Variants in GBF1 observed in about 807,000 individuals in gnomAD.
GBF1 encodes the protein golgi brefeldin A resistant guanine nucleotide exchange factor 1.
A neutral mutation model predicts 210.5 loss-of-function variants in GBF1; 114 were observed. That is an observed-to-expected ratio of 0.54 (90% CI 0.47 to 0.63). The LOEUF is 0.63. GBF1 is among the 30% of genes least tolerant of loss of function. GBF1 has a pLI of 0.00. For missense variants in GBF1, 1,851 were observed against 2,357.7 expected, an observed-to-expected ratio of 0.79 and a Z score of 4.45; for synonymous variants, 850 against 889.2, an observed-to-expected ratio of 0.96 and a Z score of 0.78.
intron 3 of GBF1, among the ~76,000 whole-genome samples, chr10:102,341,660 C>G (rs2058189874): frequency 6.6e-6 from 1 of 152,294 alleles, no homozygotes; most frequent in South Asian, 2.1e-4. Flanking sequence ...TTTCAGTCAT[C>G]ATGTTGAATG....
intron 3 of GBF1, among the ~76,000 whole-genome samples, chr10:102,293,925 CCA>C (rs1488706258): frequency 1.3e-4 from 19 of 151,078 alleles, no homozygotes; most frequent in Non-Finnish European, 2.5e-4. Flanking sequence ...CTACAGGCAC[CCA>C]CCACCACGCC....
chr10:102,342,389 GCACACACACACACACACACTCA>G (rs1486279315), intron 3 of GBF1, among the ~76,000 whole-genome samples: 1 of 144,010 alleles, frequency 6.9e-6, no homozygotes, highest in Non-Finnish European at 1.5e-5. Flanking sequence ...TCACACACAC[GCACACACACACACACACACTCA>G]CACACAGACA....
intron 3 of GBF1, among the ~76,000 whole-genome samples, chr10:102,337,305 G>A (rs1313252019): frequency 6.7e-6 from 1 of 148,276 alleles, no homozygotes; most frequent in African/African-American, 2.5e-5. Flanking sequence ...GCGTGGGGGA[G>A]CTTGCAGTGA....
chr10:102,287,733 C>G (rs1268047662), intron 3 of GBF1, among the ~76,000 whole-genome samples: 3 of 152,148 alleles, frequency 2.0e-5, no homozygotes, highest in Non-Finnish European at 4.4e-5. Flanking sequence ...TGAGAGAGAG[C>G]AGAAGCCACA....
rs904944901 is a variant in GBF1, at chr10:102,302,136, G to A, written c.164-41915G>A. On this transcript the variant is annotated intron_variant, in intron 3 of 39. Coordinates refer to ENST00000369983, the MANE Select transcript of GBF1 (RefSeq NM_001377137.1). ...AAAAACCAGTCAGGCGTGGCGGCGC[G>A]CGCCTGCAATCCCAGGCACTTGGCA... Among the ~76,000 whole-genome samples the A allele has an allele frequency of 2.8e-4, 43 of 152,126 alleles. 1 individual carries two copies. Among genetic ancestry groups the A allele is most frequent in the Admixed American group, 2.5e-3 (38 of 15,282 alleles).
At chr10:102,362,046 T>C in intron 14 of GBF1, 134 bp downstream of exon 14, 1 of 403,716 alleles carries the variant, frequency 2.5e-6, no homozygotes, top group Non-Finnish European at 4.3e-6. Context: ...TTTTCTTTTC[T>C]TTTCTTTTTT....
chr10:102,298,497 A>C (rs2077087415), intron 3 of GBF1, among the ~76,000 whole-genome samples: 1 of 152,236 alleles, frequency 6.6e-6, no homozygotes, highest in Admixed American at 6.5e-5. Context: ...TCTTTTAGCT[A>C]GAATATGTGC....
Position 102,382,717 on chromosome 10 carries a change from G to A in GBF1, c.*381G>A. On this transcript the variant is annotated 3_prime_UTR_variant, in exon 40 of 40. Coordinates refer to ENST00000369983, the MANE Select transcript of GBF1 (RefSeq NM_001377137.1). The stretch of plus-strand genomic sequence containing the variant: ...TGTTTCCCACTCCCATTAGCCCTGG[G>A]CCACCTCCTCCAGTTCTTCCTCTTT... 5.0e-6 allele frequency: 1 copy of A among 198,434 alleles called. No homozygotes were observed. The highest frequency in any genetic ancestry group is 1.0e-5 in the Non-Finnish European group (1 of 98,312). 12.3% of individuals were successfully genotyped at this position (198,434 alleles called of 1,614,324 possible).
rs1406090453 is a variant in GBF1 at position 102,376,778 on chromosome 10, T to C, written c.4266T>C (p.Phe1422=). 6.2e-7 allele frequency: 1 copy of C among 1,609,104 alleles called. No homozygotes were observed. The highest frequency in any genetic ancestry group is 1.7e-5 in the Admixed American group (1 of 60,002). ...TCTGCGTCAAGACTCTCCGGATCTT[T>C]GTGGAGGCCAGTCTGAATGGCGGTG... ...FELCVKTLRI[F]VEASLNGGCK... Residue 1422 remains phenylalanine, a synonymous_variant, in exon 32 of 40, where the codon TTT becomes TTC. Coordinates refer to ENST00000369983, the MANE Select transcript of GBF1 (RefSeq NM_001377137.1).
rs1565191697 is a variant in GBF1, at chr10:102,381,111, T to C, written c.5174-16T>C. 1 of 1,612,586 alleles carries C rather than the reference T, an allele frequency of 6.2e-7. No homozygotes were observed. Among genetic ancestry groups the C allele is most frequent in the South Asian group, 1.1e-5 (1 of 90,998 alleles). ...AAGCACTAAGAGGTGCCATCTCAAT[T>C]CTCTACCGTCTCCAGACCCCATGCC... On this transcript the variant is annotated splice_polypyrimidine_tract_variant and intron_variant, in intron 38 of 39. Transcript: ENST00000369983.
At chr10:102,372,840 T>A (rs2135260900) in intron 29 of GBF1, among the ~76,000 whole-genome samples, 1 of 152,330 alleles carries the variant, frequency 6.6e-6, no homozygotes, top group Non-Finnish European at 1.5e-5. Flanking sequence ...ATCTTCAGGA[T>A]CTAGAGCTAA....
upstream of GBF1, among the ~76,000 whole-genome samples, chr10:102,243,132 TTCCTGTGA>T (rs2070581925): frequency 6.6e-6 from 1 of 152,166 alleles, no homozygotes; most frequent in Non-Finnish European, 1.5e-5. Context: ...CCTCTGGCCC[TTCCTGTGA>T]AAGTAACCCA....
In GBF1 at chr10:102,277,018, G is replaced by GTATA. The variant is rs1374541164; in HGVS notation, c.163+16907_163+16910dup. On this transcript the variant is annotated intron_variant, in intron 3 of 39. Coordinates refer to ENST00000369983, the MANE Select transcript of GBF1 (RefSeq NM_001377137.1). ...TGCACACACGTATGTATGTATGTATGTATATATAGACATAAAATTATTTTT... is the reference window on the plus strand; with the variant it reads ...TGCACACACGTATGTATGTATGTATGTATATATATATAGACATAAAATTATTTTT... Among the ~76,000 whole-genome samples, 11 of 151,918 alleles carry GTATA rather than the reference G, an allele frequency of 7.2e-5. No homozygotes were observed. In the East Asian group the frequency reaches 2.1e-3, roughly 29 times the overall value.
Position 102,378,495 on chromosome 10 carries a change from G to A in GBF1, c.4495-789G>A, listed in dbSNP as rs771651482. Among the ~76,000 whole-genome samples, 6 of 151,866 alleles carry A rather than the reference G, an allele frequency of 4.0e-5. No homozygotes were observed. The East Asian group carries it at 9.7e-4, about 25-fold the overall frequency. ...ATGCAAAAATTATCTGGGCATGGTGGCACACATTGTAGTCCCAGCTACTGG... is the reference window on the plus strand; with the variant it reads ...ATGCAAAAATTATCTGGGCATGGTGACACACATTGTAGTCCCAGCTACTGG... On this transcript the variant is annotated intron_variant, in intron 33 of 39. Transcript: ENST00000369983.
chr10:102,340,674 G>T (rs1312080747), intron 3 of GBF1, among the ~76,000 whole-genome samples: 1 of 152,132 alleles, frequency 6.6e-6, no homozygotes, highest in Admixed American at 6.6e-5. Flanking sequence ...CTTCCAAAGT[G>T]CTGGGACCAG....
chr10:102,338,028 C>G (rs1448881019), intron 3 of GBF1, among the ~76,000 whole-genome samples: 1 of 152,014 alleles, frequency 6.6e-6, no homozygotes, highest in Non-Finnish European at 1.5e-5. Flanking sequence ...CTAGACAAAA[C>G]TCTTTAAGGA....
At chr10:102,317,754 A>G (rs537697724) in intron 3 of GBF1, among the ~76,000 whole-genome samples, 15 of 152,330 alleles carry the variant, frequency 9.8e-5, no homozygotes, top group Non-Finnish European at 1.5e-4. Flanking sequence ...ATCATATTCT[A>G]TACATTTTTG....
At chr10:102,291,457 A>G (rs908314844) in intron 3 of GBF1, among the ~76,000 whole-genome samples, 3 of 152,148 alleles carry the variant, frequency 2.0e-5, no homozygotes, top group African/African-American at 7.2e-5. Context: ...GTACTTTGAA[A>G]TAGGAATTAG....
At chr10:102,241,041 T>C (rs1207325206), upstream of GBF1, among the ~76,000 whole-genome samples, 1 of 152,068 alleles carries the variant, frequency 6.6e-6, no homozygotes, top group African/African-American at 2.4e-5. This position sits in a 1 kb window ranked among gnomAD's most constrained non-coding sequence, Gnocchi z 6.7. Flanking sequence ...CGCTTTCTGG[T>C]AATGGTTTCC....
Sources: gnomAD v4.1 joint callset for allele counts (sites outside exome capture counted in the v4.1 genomes callset) on GRCh38, gnomAD v4.1.1 for gene constraint, Gnocchi (gnomAD v3.1) non-coding constraint, MANE v1.5 for transcripts, NCBI Gene and HGNC (gene_info 2026-07-23, HGNC 2026-07-21) for gene names.